Variants in BRINP2 observed in about 807,000 individuals in gnomAD.
The protein encoded by BRINP2 is BMP/retinoic acid-inducible neural-specific protein 2.
BRINP2 carries 21 observed loss-of-function variants against 69.2 expected under a neutral mutation model. That is an observed-to-expected ratio of 0.30 (90% CI 0.22 to 0.44). The LOEUF (loss-of-function observed/expected upper bound fraction) is 0.44, where lower values mean the gene tolerates loss of function less well. BRINP2 is among the 20% of genes least tolerant of loss of function. The pLI is 1.00. For missense variants in BRINP2, 877 were observed against 986.0 expected, an observed-to-expected ratio of 0.89 and a Z score of 1.48; for synonymous variants, 380 against 394.1, an observed-to-expected ratio of 0.96 and a Z score of 0.42.
At chr1:177,267,405 A>G (rs1043470129) in intron 4 of BRINP2, among the ~76,000 whole-genome samples, 15 of 152,148 alleles carry the variant, frequency 9.9e-5, no homozygotes, top group African/African-American at 3.6e-4. Context: ...CTGTACCTCG[A>G]TGACTTCAAC....
At chr1:177,201,496 A>G (rs946904182) in intron 1 of BRINP2, among the ~76,000 whole-genome samples, 6 of 152,230 alleles carry the variant, frequency 3.9e-5, no homozygotes, top group Non-Finnish European at 7.3e-5. Context: ...GTCAGCCTTC[A>G]TAGTAACAAA....
At chr1:177,248,496 T>TGC (rs1386988758) in intron 2 of BRINP2, among the ~76,000 whole-genome samples, 33 of 150,500 alleles carry the variant, frequency 2.2e-4, no homozygotes, top group African/African-American at 7.3e-4. Flanking sequence ...TGTGCGTGCG[T>TGC]GTGTGTGTGT....
At chr1:177,263,197 G>A (rs1651013029) in intron 4 of BRINP2, among the ~76,000 whole-genome samples, 1 of 152,142 alleles carries the variant, frequency 6.6e-6, no homozygotes, top group African/African-American at 2.4e-5. Flanking sequence ...AATTCATTAG[G>A]GAAAGAGACT....
chr1:177,179,937 C>T (rs1054702337), intron 1 of BRINP2, among the ~76,000 whole-genome samples: 5 of 152,002 alleles, frequency 3.3e-5, no homozygotes, highest in Non-Finnish European at 5.9e-5. Flanking sequence ...CACATATGTA[C>T]GTATGTATTC....
chr1:177,269,146 G>T (rs993949692), intron 4 of BRINP2, among the ~76,000 whole-genome samples: 1 of 152,178 alleles, frequency 6.6e-6, no homozygotes, highest in Non-Finnish European at 1.5e-5. Context: ...CAAAGGGAGA[G>T]TATACCTGAG....
Position 177,191,745 on chromosome 1 carries a change from C to T in BRINP2, c.-77+20013C>T, listed in dbSNP as rs114556895. Among the ~76,000 whole-genome samples, 1,074 of 152,320 alleles carry T rather than the reference C, an allele frequency of 7.1e-3. 14 individuals carry two copies. The highest frequency in any genetic ancestry group is 0.023 in the African/African-American group (970 of 41,576). On this transcript the variant is annotated intron_variant, in intron 1 of 7. Coordinates refer to ENST00000361539, the MANE Select transcript of BRINP2 (RefSeq NM_021165.4). ...CTGGGATTACAGGCGTGAGCCACCA[C>T]GCCCAGCTCTGGCAGTCCCTTTCTA... is the stretch of plus-strand genomic sequence containing the variant.
At chr1:177,225,711 G>A (rs951539777) in intron 1 of BRINP2, among the ~76,000 whole-genome samples, 4 of 152,228 alleles carry the variant, frequency 2.6e-5, no homozygotes, top group South Asian at 2.1e-4. Context: ...TAACACAACT[G>A]TCAATGCAGC....
rs1647913990 is a variant in BRINP2, at chr1:177,171,120, A to T, written c.-689A>T. 6.6e-6 allele frequency among the ~76,000 whole-genome samples: 1 copy of T among 152,162 alleles called. No homozygotes were observed. Among genetic ancestry groups the T allele is most frequent in the Admixed American group, 6.5e-5 (1 of 15,280 alleles). ...GGATCCCATTAGGACTTGCCCGGGG[A>T]TGTGCACCTGCCGTGCGCTCCGAGG... On this transcript the variant is annotated 5_prime_UTR_variant, in exon 1 of 8. It removes an upstream start codon present in the reference 5' UTR. Coordinates refer to ENST00000361539, the MANE Select transcript of BRINP2 (RefSeq NM_021165.4).
chr1:177,206,557 G>A lies in BRINP2; in HGVS notation c.-76-23244G>A, dbSNP rs949245090. 2.2e-4 allele frequency among the ~76,000 whole-genome samples: 33 copies of A among 152,234 alleles called. No individual in the cohort carries two copies. The Middle Eastern group carries it at 0.017, about 79-fold the overall frequency. ...CTGATGTTTTATAGCTAAATCTTACGTGTATTATTTTAGATATCACAGCAT... is the reference window on the plus strand; with the variant it reads ...CTGATGTTTTATAGCTAAATCTTACATGTATTATTTTAGATATCACAGCAT... On this transcript the variant is annotated intron_variant, in intron 1 of 7. Coordinates refer to ENST00000361539, the MANE Select transcript of BRINP2 (RefSeq NM_021165.4).
chr1:177,246,383 GT>G (rs1421774850), intron 2 of BRINP2, among the ~76,000 whole-genome samples: 1 of 152,178 alleles, frequency 6.6e-6, no homozygotes, highest in Non-Finnish European at 1.5e-5. Flanking sequence ...ATTTCTCTCA[GT>G]TTCTCTGTCT....
chr1:177,209,235 A>C (rs1439209505), intron 1 of BRINP2, among the ~76,000 whole-genome samples: 3 of 152,156 alleles, frequency 2.0e-5, no homozygotes, highest in Admixed American at 6.5e-5. Flanking sequence ...AAGAAAAAGA[A>C]AAAAAGATCT....
chr1:177,181,563 G>T (rs1648249363), intron 1 of BRINP2, among the ~76,000 whole-genome samples: 1 of 152,214 alleles, frequency 6.6e-6, no homozygotes, highest in Non-Finnish European at 1.5e-5. Flanking sequence ...GGGATGCAGA[G>T]GGAGGTCCTT....
intron 2 of BRINP2, among the ~76,000 whole-genome samples, chr1:177,230,353 A>G (rs1380585700): frequency 1.3e-5 from 2 of 152,218 alleles, no homozygotes; most frequent in Non-Finnish European, 2.9e-5. Context: ...CAAGCTGGAA[A>G]ACCTGCTGAT....
intron 2 of BRINP2, among the ~76,000 whole-genome samples, chr1:177,234,573 A>G (rs1299627750): frequency 6.6e-6 from 1 of 152,198 alleles, no homozygotes; most frequent in East Asian, 1.9e-4. Flanking sequence ...AATCCAAGCC[A>G]CTATGATGAA....
chr1:177,247,027 A>G (rs1462086944), intron 2 of BRINP2, among the ~76,000 whole-genome samples: 1 of 152,228 alleles, frequency 6.6e-6, no homozygotes, highest in East Asian at 1.9e-4. Flanking sequence ...AAAAACTGGC[A>G]TCACTCAGTG....
intron 1 of BRINP2, among the ~76,000 whole-genome samples, chr1:177,229,358 C>T (rs1478195075): frequency 6.6e-6 from 1 of 152,194 alleles, no homozygotes; most frequent in Non-Finnish European, 1.5e-5. Flanking sequence ...TTACATCAAA[C>T]TTCGAGAGGC....
At position 177,194,151 on chromosome 1, in the gene BRINP2, C is replaced by T. The variant is rs542511743; in HGVS notation, c.-77+22419C>T. On this transcript the variant is annotated intron_variant, in intron 1 of 7. Transcript: ENST00000361539. Reference sequence around the variant, plus strand: ...TTGTTTGTATCATGTAGAAAGGAAACAGTGAAATTCTTCTCCCTTAATTAT... The same window carrying T: ...TTGTTTGTATCATGTAGAAAGGAAATAGTGAAATTCTTCTCCCTTAATTAT... 3.9e-5 allele frequency among the ~76,000 whole-genome samples: 6 copies of T among 152,316 alleles called. No homozygotes were observed. The East Asian group carries it at 1.2e-3, about 29-fold the overall frequency.
At chr1:177,247,568 C>T in intron 2 of BRINP2, among the ~76,000 whole-genome samples, 1 of 152,226 alleles carries the variant, frequency 6.6e-6, no homozygotes. Flanking sequence ...TTGGTTCAAA[C>T]TGGAGAATAA....
chr1:177,255,975 G>C lies in BRINP2; in HGVS notation c.326G>C (p.Ser109Thr), dbSNP rs754667201. The change falls in exon 3 of 8, where the codon AGT (serine) becomes ACT (threonine). Residue 109 changes from serine to threonine, a missense_variant. Ser to Thr is a moderately conservative substitution (Grantham distance 58, BLOSUM62 1). This residue lies in a region of BRINP2 where 566 missense variants were observed against 625.2 expected (regional missense o/e 0.91). Coordinates refer to ENST00000361539, the MANE Select transcript of BRINP2 (RefSeq NM_021165.4). ...NLALERKDFFSLPLPLAPEFI... is the reference protein window; with the variant it reads ...NLALERKDFFTLPLPLAPEFI... ...GCTCTGGAAAGGAAGGACTTCTTCAGTTTGCCATTGCCTCTTGCCCCAGAG... is the reference window on the plus strand; with the variant it reads ...GCTCTGGAAAGGAAGGACTTCTTCACTTTGCCATTGCCTCTTGCCCCAGAG... 4.8e-5 allele frequency: 78 copies of C among 1,614,136 alleles called. No homozygotes were observed. The highest frequency in any genetic ancestry group is 5.7e-5 in the Non-Finnish European group (67 of 1,180,056).
Sources: allele counts gnomAD v4.1 joint callset (sites outside exome capture counted in the v4.1 genomes callset), GRCh38; gene constraint gnomAD v4.1.1; regional missense constraint gnomAD v4.1.1; transcripts MANE v1.5; gene names NCBI Gene and HGNC (gene_info 2026-07-23, HGNC 2026-07-21).